The following MYO5A variants were observed in gnomAD, a reference collection of about 807,000 sequenced individuals.
MYO5A encodes myosin VA.
In MYO5A, 98 loss-of-function variants were observed where a neutral mutation model predicts 249.7. The observed-to-expected ratio is 0.39, with a 90% CI of 0.33 to 0.46. The LOEUF is 0.46. Ranked by LOEUF, MYO5A falls within the 20% of genes least tolerant of loss-of-function variation. MYO5A has a pLI of 0.98. For missense variants in MYO5A, 1,696 were observed against 2,308.8 expected, an observed-to-expected ratio of 0.73 and a Z score of 5.44; for synonymous variants, 778 against 810.6, an observed-to-expected ratio of 0.96 and a Z score of 0.68.
chr15:52,372,287 C>T lies in MYO5A; in HGVS notation c.2654G>A (p.Ser885Asn). The change falls in exon 21 of 42, where the codon AGC (serine) becomes AAC (asparagine). Residue 885 changes from serine to asparagine, a missense_variant. Transcript: ENST00000399233. ...CTGAAGGTAGATGATGGCATGCATG[C>T]TCCTCTTGTAGTGTGTGCGGGCCAG... ...GWLARTHYKRSMHAIIYLQCC... is the reference protein window; with the variant it reads ...GWLARTHYKRNMHAIIYLQCC... 1.9e-6 allele frequency: 3 copies of T among 1,610,852 alleles called. No homozygotes were observed. Among genetic ancestry groups the T allele is most frequent in the African/African-American group, 1.3e-5 (1 of 75,046 alleles).
intron 31 of MYO5A, among the ~76,000 whole-genome samples, chr15:52,341,740 A>AC (rs772751444): frequency 1.7e-4 from 1 of 6,000 alleles, no homozygotes; most frequent in Non-Finnish European, 2.9e-3. Context: ...GTTAATGATG[A>AC]GAACAAAGCA....
At chr15:52,480,800 A>T (rs1393083934) in intron 1 of MYO5A, among the ~76,000 whole-genome samples, 1 of 152,230 alleles carries the variant, frequency 6.6e-6, no homozygotes, top group Non-Finnish European at 1.5e-5. Context: ...CCATGCCTCC[A>T]GCACAGTCAA....
In MYO5A at chr15:52,405,396, G is replaced by T. The variant is rs1383138794; in HGVS notation, c.947-3C>A. On this transcript the variant is annotated splice_polypyrimidine_tract_variant and splice_region_variant and intron_variant, in intron 8 of 41. Coordinates refer to ENST00000399233, the MANE Select transcript of MYO5A (RefSeq NM_001382347.1). ...CATTTGATGAGATTCACTAATTCCT[G>T]AAACAAGAGAGTGAATGAACAAGTG... 6.3e-7 allele frequency: 1 copy of T among 1,587,062 alleles called. No individual in the cohort carries two copies. The highest frequency in any genetic ancestry group is 1.7e-5 in the Admixed American group (1 of 59,962).
chr15:52,463,950 T>C (rs1040676110), intron 1 of MYO5A, among the ~76,000 whole-genome samples: 4 of 152,220 alleles, frequency 2.6e-5, no homozygotes, highest in African/African-American at 9.6e-5. Flanking sequence ...AATAAACCAA[T>C]TAGACTGTAT....
At chr15:52,507,344 G>A (rs1209150095) in intron 1 of MYO5A, among the ~76,000 whole-genome samples, 1 of 152,190 alleles carries the variant, frequency 6.6e-6, no homozygotes, top group African/African-American at 2.4e-5. Context: ...GAATGTTGAT[G>A]ATGGAAACAT....
At chr15:52,420,443 T>C (rs2043732361) in intron 4 of MYO5A, among the ~76,000 whole-genome samples, 1 of 152,004 alleles carries the variant, frequency 6.6e-6, no homozygotes, top group Non-Finnish European at 1.5e-5. Flanking sequence ...CCTTCCTGTC[T>C]CTGTCTTACA....
chr15:52,373,006 T>G (rs894744511), intron 20 of MYO5A, among the ~76,000 whole-genome samples: 1 of 152,130 alleles, frequency 6.6e-6, no homozygotes, highest in African/African-American at 2.4e-5. Flanking sequence ...TTACCACATT[T>G]GAGGAATACC....
At chr15:52,441,168 C>G (rs2075777524) in intron 1 of MYO5A, among the ~76,000 whole-genome samples, 1 of 152,044 alleles carries the variant, frequency 6.6e-6, no homozygotes, top group South Asian at 2.1e-4. Context: ...TCAGGAACTA[C>G]TATTCTAAAA....
chr15:52,370,335 T>A lies in MYO5A; in HGVS notation c.2900A>T (p.Asp967Val), dbSNP rs773942872. 14 of 1,614,184 alleles carry A rather than the reference T, an allele frequency of 8.7e-6. No individual in the cohort carries two copies. Among genetic ancestry groups the A allele is most frequent in the Middle Eastern group, 3.3e-4 (2 of 6,062 alleles). Reference sequence around the variant, plus strand: ...TTCACTTAGTTGAAGACGTTCTAAGTCACTTCGTAGTTTCTCAGTCTCAGA... The same window carrying A: ...TTCACTTAGTTGAAGACGTTCTAAGACACTTCGTAGTTTCTCAGTCTCAGA... ...YNSETEKLRS[D>V]LERLQLSEEE... The change falls in exon 22 of 42, where the codon GAC becomes GTC. Residue 967 changes from aspartate (D) to valine (V), a missense_variant. Physicochemically the swap from Asp to Val is radical, Grantham distance 152 (BLOSUM62 -3). Around this residue, in one of 5 missense-constraint regions of MYO5A, gnomAD observed 412 missense variants for 453.3 expected, o/e 0.91. Transcript: ENST00000399233.
chr15:52,502,570 CT>C (rs1226081408), intron 1 of MYO5A, among the ~76,000 whole-genome samples: 1 of 152,186 alleles, frequency 6.6e-6, no homozygotes, highest in African/African-American at 2.4e-5. Flanking sequence ...CATACCACAT[CT>C]ATAGAAGTGT....
chr15:52,423,290 T>C (rs552310695), intron 4 of MYO5A, among the ~76,000 whole-genome samples: 6 of 152,258 alleles, frequency 3.9e-5, no homozygotes, highest in African/African-American at 1.2e-4. Flanking sequence ...TGGTGGCTCA[T>C]GCCTGTAATC....
chr15:52,518,416 C>T (rs1484062317), intron 1 of MYO5A, among the ~76,000 whole-genome samples: 1 of 152,036 alleles, frequency 6.6e-6, no homozygotes, highest in African/African-American at 2.4e-5. Context: ...ATTTTCATTT[C>T]TTAAACAAGA....
intron 4 of MYO5A, among the ~76,000 whole-genome samples, chr15:52,421,959 G>T (rs2043813488): frequency 6.6e-6 from 1 of 152,152 alleles, no homozygotes; most frequent in South Asian, 2.1e-4. Context: ...CAATAAAACT[G>T]ATTATCACTC....
chr15:52,379,853 T>G lies in MYO5A; in HGVS notation c.2068A>C (p.Ile690Leu), dbSNP rs749481784. ...GGGAAACCGGCCGCACTGATTCGGA[T>G]GGTTTCCAGGACACCACATGCTCTC... is the stretch of plus-strand genomic sequence containing the variant. ...QLRACGVLET[I>L]RISAAGFPSR... is the part of the protein sequence containing the mutation. The change falls in exon 17 of 42, where the codon ATC (isoleucine) becomes CTC (leucine). Residue 690 changes from isoleucine to leucine, a missense_variant. Coordinates refer to ENST00000399233, the MANE Select transcript of MYO5A (RefSeq NM_001382347.1). 1 of 1,614,168 alleles carries G rather than the reference T, an allele frequency of 6.2e-7. No individual in the cohort carries two copies. The highest frequency in any genetic ancestry group is 1.1e-5 in the South Asian group (1 of 91,084).
At chr15:52,354,852 T>C (rs2040135775) in intron 25 of MYO5A, among the ~76,000 whole-genome samples, 1 of 134,626 alleles carries the variant, frequency 7.4e-6, no homozygotes, top group South Asian at 2.3e-4. Flanking sequence ...AGACTCCATC[T>C]CACAAAAAAA....
chr15:52,473,071 T>C (rs1015860844), intron 1 of MYO5A, among the ~76,000 whole-genome samples: 1 of 152,254 alleles, frequency 6.6e-6, no homozygotes, highest in African/African-American at 2.4e-5. Flanking sequence ...CCTGACTTTT[T>C]AATGATCGCC....
chr15:52,398,328 G>C (rs527370567), intron 9 of MYO5A, among the ~76,000 whole-genome samples: 8 of 152,178 alleles, frequency 5.3e-5, no homozygotes, highest in African/African-American at 1.9e-4. Flanking sequence ...ATAAATACTT[G>C]TCTAATTTAA....
intron 29 of MYO5A, 189 bp from the exon 30 acceptor site, chr15:52,346,650 C>T (rs1247365010): frequency 1.5e-6 from 1 of 675,420 alleles, no homozygotes; most frequent in Non-Finnish European, 2.7e-6. Context: ...AGAAGAGGTA[C>T]CTTCAGTTTT....
chr15:52,467,451 A>G (rs1376989491), intron 1 of MYO5A, among the ~76,000 whole-genome samples: 1 of 152,226 alleles, frequency 6.6e-6, no homozygotes, highest in Non-Finnish European at 1.5e-5. Context: ...CTTGAAGACA[A>G]GTCTTTTGAA....
Sources: allele counts gnomAD v4.1 joint callset (sites outside exome capture counted in the v4.1 genomes callset), GRCh38; gene constraint gnomAD v4.1.1; regional missense constraint gnomAD v4.1.1; transcripts MANE v1.5; gene names NCBI Gene and HGNC (gene_info 2026-07-23, HGNC 2026-07-21).